Variants in ABCC4 observed in about 807,000 individuals in gnomAD.
ABCC4 encodes the protein ATP-binding cassette sub-family C member 4.
In ABCC4, 102 loss-of-function variants were observed where a neutral mutation model predicts 168.5. The observed-to-expected ratio is 0.61, with a 90% CI of 0.52 to 0.71. ABCC4 has a LOEUF of 0.71. Ranked by LOEUF, ABCC4 falls within the 30% of genes least tolerant of loss-of-function variation. ABCC4 has a pLI of 0.00. For missense variants in ABCC4, 1,402 were observed against 1,605.8 expected, an observed-to-expected ratio of 0.87 and a Z score of 2.17; for synonymous variants, 617 against 590.7, an observed-to-expected ratio of 1.04 and a Z score of -0.65.
intron 3 of ABCC4, among the ~76,000 whole-genome samples, chr13:95,244,670 A>AAAGAAAGAAAGAAATCAATCAATC: frequency 9.4e-6 from 1 of 106,460 alleles, no homozygotes; most frequent in East Asian, 2.5e-4. Flanking sequence ...AGAAAGAAAG[A>AAAGAAAGAAAGAAATCAATCAATC]AATCATAGCA....
At chr13:95,172,120 A>T (rs1217644203) in intron 13 of ABCC4, among the ~76,000 whole-genome samples, 1 of 152,238 alleles carries the variant, frequency 6.6e-6, no homozygotes, top group Non-Finnish European at 1.5e-5. Flanking sequence ...TTACACTAAC[A>T]TTGTAATTGA....
chr13:95,215,508 C>T (rs1364818518), intron 4 of ABCC4, among the ~76,000 whole-genome samples: 1 of 152,030 alleles, frequency 6.6e-6, no homozygotes, highest in Non-Finnish European at 1.5e-5. Flanking sequence ...GTAAAATATA[C>T]GACAATAGCA....
At chr13:95,046,746 G>A (rs985661675) in intron 27 of ABCC4, among the ~76,000 whole-genome samples, 1 of 151,912 alleles carries the variant, frequency 6.6e-6, no homozygotes, top group African/African-American at 2.4e-5. Flanking sequence ...CTGAGTGACA[G>A]AGTAAGACTC....
intron 19 of ABCC4, among the ~76,000 whole-genome samples, chr13:95,127,825 A>C (rs1482827466): frequency 6.6e-6 from 1 of 152,256 alleles, no homozygotes; most frequent in South Asian, 2.1e-4. Context: ...CCTCTTCTCC[A>C]TGTATGGGAA....
At chr13:95,099,882 C>A (rs2034737068) in intron 20 of ABCC4, among the ~76,000 whole-genome samples, 2 of 152,156 alleles carry the variant, frequency 1.3e-5, no homozygotes, top group South Asian at 4.1e-4. Flanking sequence ...CTTACCCATG[C>A]CCCACATCAG....
intron 11 of ABCC4, among the ~76,000 whole-genome samples, chr13:95,180,379 C>T (rs1342793110): frequency 6.6e-6 from 1 of 152,130 alleles, no homozygotes; most frequent in East Asian, 1.9e-4. Flanking sequence ...CATGGTGAAA[C>T]TCCGTCTCTA....
intron 1 of ABCC4, among the ~76,000 whole-genome samples, chr13:95,281,816 T>C (rs2041131956): frequency 6.6e-6 from 1 of 151,406 alleles, no homozygotes; most frequent in African/African-American, 2.4e-5. Context: ...AAAAAAAAAA[T>C]CACAATCAGG....
chr13:95,300,605 CAA>C (rs977876402), intron 1 of ABCC4, among the ~76,000 whole-genome samples: 2 of 151,972 alleles, frequency 1.3e-5, no homozygotes, highest in African/African-American at 4.8e-5. Context: ...GTCACTGAGA[CAA>C]AAGATACAGA....
chr13:95,153,999 T>C (rs185148078), intron 19 of ABCC4, among the ~76,000 whole-genome samples: 63 of 152,366 alleles, frequency 4.1e-4, no homozygotes, highest in African/African-American at 1.5e-3. Context: ...AAAAACATTA[T>C]TTTTAATTTG....
At chr13:95,299,742 G>A (rs746382350) in intron 1 of ABCC4, among the ~76,000 whole-genome samples, 29 of 152,064 alleles carry the variant, frequency 1.9e-4, no homozygotes, top group Non-Finnish European at 3.4e-4. Context: ...AAGATGAGGC[G>A]GCAGAGGTCA....
chr13:95,262,031 G>T (rs917985849), intron 1 of ABCC4, among the ~76,000 whole-genome samples: 1 of 152,188 alleles, frequency 6.6e-6, no homozygotes, highest in Non-Finnish European at 1.5e-5. Context: ...TTGAGCCCAG[G>T]GGCTTGAGGT....
Position 95,247,729 on chromosome 13 carries a change from A to G in ABCC4, c.99T>C (p.Ile33=), listed in dbSNP as rs996852924. 1.8e-5 allele frequency: 29 copies of G among 1,613,938 alleles called. No individual in the cohort carries two copies. The Admixed American group carries it at 4.8e-4, about 27-fold the overall frequency. The change falls in exon 2 of 31, where the codon ATT becomes ATC. Residue 33 remains isoleucine, a synonymous_variant. Coordinates refer to ENST00000645237, the MANE Select transcript of ABCC4 (RefSeq NM_005845.5). ...CTTCCTCTAATCTCCGTTTATGGCC[A>G]ATTTTAAACAAGGGATTGAGCCACC... The part of the protein sequence containing the change: ...FFWWLNPLFK[I]GHKRRLEEDD...
At chr13:95,157,117 CACACACACACACAA>C (rs2036891428) in intron 19 of ABCC4, among the ~76,000 whole-genome samples, 1 of 144,810 alleles carries the variant, frequency 6.9e-6, no homozygotes, top group Non-Finnish European at 1.5e-5. Flanking sequence ...CACACACACA[CACACACACACACAA>C]ACAGTCACCA....
At chr13:95,259,725 T>C (rs532917651) in intron 1 of ABCC4, among the ~76,000 whole-genome samples, 3 of 152,332 alleles carry the variant, frequency 2.0e-5, no homozygotes, top group African/African-American at 4.8e-5. Flanking sequence ...CAGCAGTCTT[T>C]TAGCCACGTT....
At position 95,247,166 on chromosome 13, in the gene ABCC4, G is replaced by A. The variant is rs1369806049; in HGVS notation, c.186-71C>T. 4 of 1,514,658 alleles carry A rather than the reference G, an allele frequency of 2.6e-6. No individual in the cohort carries two copies. The Admixed American group carries it at 6.1e-5, about 23-fold the overall frequency. 93.8% of individuals were successfully genotyped at this position (1,514,658 alleles called of 1,614,324 possible). A position where few individuals can be genotyped will look rare whatever the true frequency, so the allele number is the denominator to read the frequency against. Reference sequence around the variant, plus strand: ...AATATAAAACAGGGGAGATGGCAGAGTGACAGGTATGCATTTAAGACAGGG... The same window carrying A: ...AATATAAAACAGGGGAGATGGCAGAATGACAGGTATGCATTTAAGACAGGG... On this transcript the variant is annotated intron_variant, in intron 2 of 30. Coordinates refer to ENST00000645237, the MANE Select transcript of ABCC4 (RefSeq NM_005845.5).
chr13:95,198,634 T>C (rs1435636635), intron 8 of ABCC4, among the ~76,000 whole-genome samples: 1 of 152,204 alleles, frequency 6.6e-6, no homozygotes, highest in Non-Finnish European at 1.5e-5. Flanking sequence ...TTATAAATCA[T>C]TCGACTATAA....
intron 19 of ABCC4, among the ~76,000 whole-genome samples, chr13:95,119,965 C>A (rs533346396): frequency 6.6e-6 from 1 of 152,200 alleles, no homozygotes; most frequent in South Asian, 2.1e-4. Context: ...CAGCCTCAAG[C>A]AACTACTTTC....
chr13:95,073,313 G>C lies in ABCC4; in HGVS notation c.2918-9C>G. 6.2e-7 allele frequency: 1 copy of C among 1,607,808 alleles called. No homozygotes were observed. On this transcript the variant is annotated splice_polypyrimidine_tract_variant and intron_variant, in intron 23 of 30. Transcript: ENST00000645237. ...CTGCCCGGCATCCAGAGCTACGTAA[G>C]GAGGAAGAAGGGAATAAAGTCAGTC...
Position 95,301,263 on chromosome 13 carries a change from G to C in ABCC4, c.52C>G (p.Leu18Val). Residue 18 changes from leucine (L) to valine (V), a missense_variant, in exon 1 of 31, where the codon CTC (leucine) becomes GTC (valine). By Grantham distance (32) the Leu-to-Val change is conservative. Around this residue, in one of 3 missense-constraint regions of ABCC4, gnomAD observed 317 missense variants for 345.5 expected, o/e 0.92. Coordinates refer to ENST00000645237, the MANE Select transcript of ABCC4 (RefSeq NM_005845.5). The stretch of plus-strand genomic sequence containing the variant: ...CACCAGAAGAACACGCGTGAGCAGA[G>C]GTTCGCGTCCTGCAGCGGGTTGGGC... ...VKPNPLQDANLCSRVFFWWLN... is the reference protein window; with the variant it reads ...VKPNPLQDANVCSRVFFWWLN... 3 of 1,595,664 alleles carry C rather than the reference G, an allele frequency of 1.9e-6. No individual in the cohort carries two copies. The highest frequency in any genetic ancestry group is 2.6e-6 in the Non-Finnish European group (3 of 1,171,732).
Sources: allele counts gnomAD v4.1 joint callset (sites outside exome capture counted in the v4.1 genomes callset), GRCh38; gene constraint gnomAD v4.1.1; regional missense constraint gnomAD v4.1.1; transcripts MANE v1.5; gene names NCBI Gene and HGNC (gene_info 2026-07-23, HGNC 2026-07-21).